ETFA: variants seen among roughly 807,000 people sequenced by gnomAD.
ETFA encodes the protein electron transfer flavoprotein subunit alpha.
A neutral mutation model predicts 46.2 loss-of-function variants in ETFA; 22 were observed. The ratio of observed to expected loss-of-function variants is 0.48; its 90% CI spans 0.34 to 0.68. The LOEUF is 0.68. Among genes scored for constraint, ETFA ranks in the 30% least tolerant of loss-of-function variants. ETFA has a pLI of 0.01. For synonymous variants in ETFA, 131 were observed against 139.9 expected (o/e 0.94, Z 0.45); for missense variants, 345 against 401.1 (o/e 0.86, Z 1.19).
chr15:76,286,421 G>A lies in ETFA; in HGVS notation c.512C>T (p.Thr171Ile), dbSNP rs1801591. 0.082 allele frequency: 132,384 copies of A among 1,612,408 alleles called. 6,118 individuals are homozygous for A. The highest frequency in any genetic ancestry group is 0.09 in the Non-Finnish European group (106,425 of 1,178,436). Residue 171 changes from threonine to isoleucine, a missense_variant, in exon 6 of 12, where the codon ACA becomes ATA. Coordinates refer to ENST00000557943, the MANE Select transcript of ETFA (RefSeq NM_000126.4). Reference protein sequence around the residue: ...EKVKVFSVRGTSFDAAATSGG... With the variant: ...EKVKVFSVRGISFDAAATSGG... ...ACTTGTTGCTGCAGCATCAAAGGAT[G>A]TTCCACGGACAGAAAACACTTTCAC...
intron 9 of ETFA, among the ~76,000 whole-genome samples, chr15:76,234,745 G>A (rs1449364363): frequency 6.6e-6 from 1 of 152,162 alleles, no homozygotes; most frequent in Non-Finnish European, 1.5e-5. Flanking sequence ...TAGGGGCTGT[G>A]CGGAGAAGTA....
chr15:76,251,718 G>A (rs1298604665), intron 9 of ETFA, among the ~76,000 whole-genome samples: 2 of 152,030 alleles, frequency 1.3e-5, no homozygotes, highest in Admixed American at 1.3e-4. Flanking sequence ...TTATACATGG[G>A]GCTTCCTGAT....
chr15:76,248,413 T>A (rs2039264271), intron 9 of ETFA, among the ~76,000 whole-genome samples: 1 of 151,922 alleles, frequency 6.6e-6, no homozygotes, highest in South Asian at 2.1e-4. Context: ...AACCAAAATG[T>A]GAAGGACAAA....
At chr15:76,271,992 G>T (rs975562990) in intron 9 of ETFA, among the ~76,000 whole-genome samples, 1 of 151,596 alleles carries the variant, frequency 6.6e-6, no homozygotes. Context: ...TTATGTCAAA[G>T]TCTTCAAAGC....
chr15:76,259,775 C>G, intron 9 of ETFA: 2 of 1,602,528 alleles, frequency 1.2e-6, no homozygotes, highest in African/African-American at 2.7e-5. Flanking sequence ...GTTCCGAGAG[C>G]TCAGGTACTC....
intron 9 of ETFA, among the ~76,000 whole-genome samples, chr15:76,234,814 C>T (rs1262245317): frequency 6.6e-6 from 1 of 152,152 alleles, no homozygotes; most frequent in Non-Finnish European, 1.5e-5. Flanking sequence ...AGGGATAGCA[C>T]TTAACCTTAA....
intron 11 of ETFA, among the ~76,000 whole-genome samples, chr15:76,224,029 A>G (rs2038981931): frequency 6.6e-6 from 1 of 152,256 alleles, no homozygotes; most frequent in African/African-American, 2.4e-5. Context: ...CTCTTGAGGA[A>G]AAAAGGCAAC....
At chr15:76,272,196 G>A (rs1204325183) in intron 9 of ETFA, among the ~76,000 whole-genome samples, 3 of 150,750 alleles carry the variant, frequency 2.0e-5, no homozygotes, top group African/African-American at 7.3e-5. Flanking sequence ...TGTCACTTCA[G>A]TGTATATCTC....
intron 8 of ETFA, among the ~76,000 whole-genome samples, chr15:76,279,094 C>A (rs1328067716): frequency 3.3e-5 from 5 of 152,212 alleles, no homozygotes; most frequent in Non-Finnish European, 1.5e-5. Flanking sequence ...CATTTCCCTG[C>A]TTCCCTATAT....
At chr15:76,262,552 G>A (rs1345454614) in intron 9 of ETFA, among the ~76,000 whole-genome samples, 2 of 130,370 alleles carry the variant, frequency 1.5e-5, no homozygotes, top group Admixed American at 1.0e-4. Context: ...GTGCAATCTC[G>A]GCTCACTGCA....
In ETFA at chr15:76,243,949, C is replaced by T. The variant is rs138456515; in HGVS notation, c.817-12551G>A. On this transcript the variant is annotated intron_variant, in intron 9 of 11. Transcript: ENST00000557943. ...TTGCCCAGGCTGGAGTGCGATGGTG[C>T]GATCTCAGCTCACCGCAACCTCTGC... Among the ~76,000 whole-genome samples the T allele has an allele frequency of 3.7e-3, 558 of 152,028 alleles. 3 individuals carry two copies. The highest frequency in any genetic ancestry group is 0.013 in the African/African-American group (525 of 41,482).
chr15:76,289,746 T>C (rs1042113962), intron 4 of ETFA, among the ~76,000 whole-genome samples: 1 of 152,216 alleles, frequency 6.6e-6, no homozygotes, highest in Non-Finnish European at 1.5e-5. Context: ...AGGACTATCA[T>C]ACAGCAAATT....
At chr15:76,310,678 G>T (rs1373919440) in intron 1 of ETFA, among the ~76,000 whole-genome samples, 1 of 152,198 alleles carries the variant, frequency 6.6e-6, no homozygotes, top group African/African-American at 2.4e-5. Flanking sequence ...CAATCTGCTG[G>T]TTAAAAGCAG....
At chr15:76,256,713 T>A (rs2039348610) in intron 9 of ETFA, among the ~76,000 whole-genome samples, 1 of 152,226 alleles carries the variant, frequency 6.6e-6, no homozygotes. Flanking sequence ...TTGGTCAACA[T>A]TACACTGCAT....
chr15:76,254,995 T>G (rs1567204789), intron 9 of ETFA, among the ~76,000 whole-genome samples: 2 of 152,192 alleles, frequency 1.3e-5, no homozygotes, highest in Non-Finnish European at 2.9e-5. Flanking sequence ...TTTTTTAAAC[T>G]TTTATTCATT....
intron 1 of ETFA, among the ~76,000 whole-genome samples, chr15:76,310,272 CAAACA>C (rs150922545): frequency 0.018 from 2,512 of 142,472 alleles, 24 homozygotes; most frequent in African/African-American, 0.03. Context: ...AACAAACAAA[CAAACA>C]AAAGTCTAAT....
chr15:76,234,283 CCCT>C (rs1389798876), intron 9 of ETFA, among the ~76,000 whole-genome samples: 4 of 152,194 alleles, frequency 2.6e-5, no homozygotes, highest in Admixed American at 2.6e-4. Context: ...GAGGCTTTTT[CCCT>C]CCTTTTTAAA....
At chr15:76,286,219 A>G (rs2039703308) in intron 6 of ETFA, 152 bp downstream of exon 6, 2 of 590,110 alleles carry the variant, frequency 3.4e-6, no homozygotes. Context: ...ATACATATTT[A>G]TTATTTTTGT....
At chr15:76,259,982 C>T in intron 9 of ETFA, 5 of 1,449,648 alleles carry the variant, frequency 3.4e-6, no homozygotes, top group Non-Finnish European at 4.8e-6. Context: ...TGTGGATGGT[C>T]AAACTCCTTC....
Sources: gnomAD v4.1 joint callset for allele counts (sites outside exome capture counted in the v4.1 genomes callset) on GRCh38, gnomAD v4.1.1 for gene constraint, MANE v1.5 for transcripts, NCBI Gene and HGNC (gene_info 2026-07-23, HGNC 2026-07-21) for gene names.